DGKI: variants seen among roughly 807,000 people sequenced by gnomAD.
DGKI encodes DAG kinase iota.
A neutral mutation model predicts 147.5 loss-of-function variants in DGKI; 55 were observed. The observed-to-expected ratio is 0.37, with a 90% confidence interval of 0.30 to 0.47. DGKI has a LOEUF of 0.47. Among genes scored for constraint, DGKI ranks in the 20% least tolerant of loss-of-function variants. DGKI has a pLI of 1.00. For missense variants in DGKI, 1,007 were observed against 1,323.8 expected, an observed-to-expected ratio of 0.76 and a Z score of 3.71; for synonymous variants, 469 against 477.1, an observed-to-expected ratio of 0.98 and a Z score of 0.22.
rs545402837 is a variant in DGKI, at chr7:137,465,418, AG to A, written c.2612+489del. ...ATTTTACAGATGAGAAAATAAGCAC[AG>A]AGCACTTAAGATGATTAAGTCACTA... On this transcript the variant is annotated intron_variant, in intron 26 of 32. Coordinates refer to ENST00000614521, the MANE Select transcript of DGKI (RefSeq NM_001321708.2). 7.9e-5 allele frequency among the ~76,000 whole-genome samples: 12 copies of A among 152,364 alleles called. No individual in the cohort carries two copies. The East Asian group carries it at 1.9e-3, about 24-fold the overall frequency.
At chr7:137,655,055 A>C (rs2129011881) in intron 4 of DGKI, among the ~76,000 whole-genome samples, 1 of 152,322 alleles carries the variant, frequency 6.6e-6, no homozygotes, top group Non-Finnish European at 1.5e-5. Context: ...TTACACCATA[A>C]ATTTGAGAAA....
At chr7:137,653,476 G>T (rs1195469591) in intron 5 of DGKI, among the ~76,000 whole-genome samples, 1 of 152,174 alleles carries the variant, frequency 6.6e-6, no homozygotes, top group Non-Finnish European at 1.5e-5. Flanking sequence ...GACCTTCAGG[G>T]TCCAGCTCTT....
intron 1 of DGKI, among the ~76,000 whole-genome samples, chr7:137,807,978 C>G (rs1472582089): frequency 1.3e-5 from 2 of 152,180 alleles, no homozygotes; most frequent in Non-Finnish European, 2.9e-5. Context: ...AGGCAACTCT[C>G]GTCTCTTGGG....
In DGKI at chr7:137,595,906, G is replaced by A. The variant is rs572606859; in HGVS notation, c.1311+1941C>T. Among the ~76,000 whole-genome samples the A allele has an allele frequency of 1.4e-4, 21 of 147,838 alleles. No homozygotes were observed. The South Asian group carries it at 4.5e-3, about 32-fold the overall frequency. ...AGTCCCAACTACTCGGGAGGCTGAG[G>A]CAAGAGAATCACTTGAACCTGGGAG... On this transcript the variant is annotated intron_variant, in intron 12 of 32. Transcript: ENST00000614521.
intron 26 of DGKI, 93 bp downstream of exon 26, chr7:137,465,815 T>G: frequency 6.8e-7 from 1 of 1,467,446 alleles, no homozygotes; most frequent in Non-Finnish European, 9.1e-7. Flanking sequence ...TCAAAATCAT[T>G]TGATGTCATT....
chr7:137,416,977 T>G (rs1294444618), intron 28 of DGKI, among the ~76,000 whole-genome samples: 4 of 152,200 alleles, frequency 2.6e-5, no homozygotes, highest in Non-Finnish European at 1.5e-5. Flanking sequence ...TTCTCTCTCC[T>G]GATTAATGTC....
chr7:137,750,263 G>T (rs527954573), intron 1 of DGKI, among the ~76,000 whole-genome samples: 1 of 152,272 alleles, frequency 6.6e-6, no homozygotes, highest in East Asian at 1.9e-4. Flanking sequence ...TGAGTAGGTA[G>T]TGCTGAGGCC....
chr7:137,554,092 G>GC (rs938670905), intron 19 of DGKI, among the ~76,000 whole-genome samples: 7 of 152,198 alleles, frequency 4.6e-5, no homozygotes, highest in African/African-American at 1.4e-4. Flanking sequence ...AACTGTCAAT[G>GC]CCGCCCCTAC....
intron 1 of DGKI, among the ~76,000 whole-genome samples, chr7:137,783,639 T>C (rs1431964135): frequency 6.6e-6 from 1 of 152,188 alleles, no homozygotes; most frequent in East Asian, 1.9e-4. Context: ...CCTGGGAAAT[T>C]CATTGTGAAA....
chr7:137,748,882 T>G (rs1367227937), intron 1 of DGKI, among the ~76,000 whole-genome samples: 1 of 152,348 alleles, frequency 6.6e-6, no homozygotes, highest in East Asian at 1.9e-4. Context: ...ATTCATCTTT[T>G]TATGATTTAC....
At chr7:137,545,805 C>T (rs968698685) in intron 20 of DGKI, 24 of 560,886 alleles carry the variant, frequency 4.3e-5, no homozygotes, top group South Asian at 3.4e-4. Flanking sequence ...CCTTATCTGA[C>T]GAACAGACCT....
intron 20 of DGKI, among the ~76,000 whole-genome samples, chr7:137,529,450 C>T (rs568735437): frequency 6.6e-6 from 1 of 152,220 alleles, no homozygotes; most frequent in South Asian, 2.1e-4. Flanking sequence ...AAACTTACTC[C>T]CATAACTAAT....
chr7:137,486,920 A>G (rs1233799696), intron 22 of DGKI, among the ~76,000 whole-genome samples: 4 of 152,158 alleles, frequency 2.6e-5, no homozygotes, highest in African/African-American at 9.7e-5. Flanking sequence ...ATCAAAAAAA[A>G]TGATAAAGAA....
intron 20 of DGKI, among the ~76,000 whole-genome samples, chr7:137,529,687 C>A (rs1817273728): frequency 6.6e-6 from 1 of 152,184 alleles, no homozygotes; most frequent in Admixed American, 6.5e-5. Flanking sequence ...CCTTTTGTGG[C>A]AGTGAATGCC....
intron 1 of DGKI, among the ~76,000 whole-genome samples, chr7:137,842,020 G>C (rs1291962918): frequency 6.6e-6 from 1 of 152,180 alleles, no homozygotes; most frequent in Non-Finnish European, 1.5e-5. Context: ...CTTGCCCAGT[G>C]TGTATCCTAA....
intron 21 of DGKI, among the ~76,000 whole-genome samples, chr7:137,517,277 GAAAA>G (rs869275229): frequency 1.7e-3 from 90 of 51,536 alleles, no homozygotes; most frequent in Non-Finnish European, 2.5e-3. Flanking sequence ...AGAAAGAAAA[GAAAA>G]AGAAAGAAAG....
intron 1 of DGKI, among the ~76,000 whole-genome samples, chr7:137,699,991 A>G (rs998898190): frequency 1.3e-5 from 2 of 152,240 alleles, no homozygotes; most frequent in African/African-American, 4.8e-5. Flanking sequence ...CATTCAAAGT[A>G]GTTAAAATTA....
At chr7:137,518,633 A>T (rs1205466228) in intron 21 of DGKI, among the ~76,000 whole-genome samples, 1 of 152,070 alleles carries the variant, frequency 6.6e-6, no homozygotes, top group East Asian at 1.9e-4. Context: ...TGTGTTTTAA[A>T]CCCTAGATCT....
At chr7:137,803,151 G>T (rs544353887) in intron 1 of DGKI, among the ~76,000 whole-genome samples, 1 of 152,248 alleles carries the variant, frequency 6.6e-6, no homozygotes, top group Admixed American at 6.5e-5. Context: ...TCTACATTTG[G>T]AGAGAAGGGA....
Sources: allele counts gnomAD v4.1 joint callset (sites outside exome capture counted in the v4.1 genomes callset), GRCh38; gene constraint gnomAD v4.1.1; transcripts MANE v1.5; gene names NCBI Gene and HGNC (gene_info 2026-07-23, HGNC 2026-07-21).